Variants in ACAD10 observed in about 807,000 individuals in gnomAD.
ACAD10 encodes acyl-CoA dehydrogenase family member 10.
In ACAD10, 112 loss-of-function variants were observed where a neutral mutation model predicts 116.8. The observed-to-expected ratio is 0.96, with a 90% CI of 0.82 to 1.12. ACAD10 has a LOEUF of 1.12. Ranked by LOEUF, ACAD10 falls within the 50% of genes most tolerant of loss-of-function variation. The pLI is 0.00. For missense variants in ACAD10, 1,259 were observed against 1,350.2 expected (o/e 0.93, Z 1.06); for synonymous variants, 486 against 510.6 (o/e 0.95, Z 0.65).
chr12:111,686,502 G>T (rs1452469530), intron 1 of ACAD10: 1 of 152,402 alleles, frequency 6.6e-6, no homozygotes. Context: ...ATCACCTCAG[G>T]TCAGCAGTTC....
chr12:111,713,345 C>A (rs527760788), intron 6 of ACAD10, among the ~76,000 whole-genome samples: 1 of 147,136 alleles, frequency 6.8e-6, no homozygotes, highest in Admixed American at 6.8e-5. Flanking sequence ...CATTGCTGAC[C>A]GGGGCGTAGT....
chr12:111,705,816 A>G lies in ACAD10; in HGVS notation c.415A>G (p.Thr139Ala). The G allele has an allele frequency of 1.2e-6, 2 of 1,614,154 alleles. No homozygotes were observed. ...AGTGGCAAAGCAGTTCCCAGTGATG[A>G]CTGAGGCCATAACTCAAATTCGGGC... ...ERVAKQFPVM[T>A]EAITQIRAKG... The change falls in exon 4 of 21, where the codon ACT (threonine) becomes GCT (alanine). Residue 139 changes from threonine (T) to alanine (A), a missense_variant. By Grantham distance (58) the Thr-to-Ala change is moderately conservative. Coordinates refer to ENST00000313698, the MANE Select transcript of ACAD10 (RefSeq NM_025247.6).
At chr12:111,745,081 C>T in intron 13 of ACAD10, 38 bp downstream of exon 13, 1 of 1,585,454 alleles carries the variant, frequency 6.3e-7, no homozygotes, top group African/African-American at 1.3e-5. Context: ...ACCCCAATAC[C>T]ATGGCATACC....
chr12:111,689,624 A>G (rs528119114), intron 1 of ACAD10, among the ~76,000 whole-genome samples: 1 of 152,042 alleles, frequency 6.6e-6, no homozygotes, highest in Non-Finnish European at 1.5e-5. Context: ...TGATCCGCCT[A>G]CATTAGCATC....
chr12:111,697,999 CTTT>C (rs751374077), intron 2 of ACAD10, among the ~76,000 whole-genome samples: 4 of 132,670 alleles, frequency 3.0e-5, no homozygotes, highest in Admixed American at 7.6e-5. Flanking sequence ...AGGTTGCGCC[CTTT>C]TTTTTTTTTT....
In ACAD10 at chr12:111,746,256, T is replaced by A; in HGVS notation, c.2228T>A (p.Leu743His). The A allele has an allele frequency of 6.2e-7, 1 of 1,613,670 alleles. No homozygotes were observed. Among genetic ancestry groups the A allele is most frequent in the Non-Finnish European group, 8.5e-7 (1 of 1,179,858 alleles). The change falls in exon 14 of 21, where the codon CTC becomes CAC. Residue 743 changes from leucine to histidine, a missense_variant. Transcript: ENST00000313698. Reference sequence around the variant, plus strand: ...GTGGAATATGCACATCTGTGTGAGCTCATGGGCACGTCCCTGTATGCCCCC... The same window carrying A: ...GTGGAATATGCACATCTGTGTGAGCACATGGGCACGTCCCTGTATGCCCCC... The part of the protein sequence containing the change: ...TNVEYAHLCE[L>H]MGTSLYAPEV...
intron 5 of ACAD10, chr12:111,710,213 C>T (rs1888631599): frequency 2.3e-6 from 1 of 439,996 alleles, no homozygotes; most frequent in Non-Finnish European, 4.5e-6. Flanking sequence ...CCTCAGTCTC[C>T]TGAGTAGCTG....
rs375656467 is a variant in ACAD10, at chr12:111,705,793, T to C, written c.392T>C (p.Val131Ala). The C allele has an allele frequency of 6.2e-7, 1 of 1,614,108 alleles. No homozygotes were observed. The part of the protein sequence containing the change: ...SFFSLLTSER[V>A]AKQFPVMTEA... Reference sequence around the variant, plus strand: ...TTCTCTCTGTTGACCAGTGAGCGAGTGGCAAAGCAGTTCCCAGTGATGACT... The same window carrying C: ...TTCTCTCTGTTGACCAGTGAGCGAGCGGCAAAGCAGTTCCCAGTGATGACT... Residue 131 changes from valine to alanine, a missense_variant, in exon 4 of 21, where the codon GTG becomes GCG. Transcript: ENST00000313698.
chr12:111,729,536 G>C (rs1478619345), intron 9 of ACAD10, among the ~76,000 whole-genome samples: 3 of 152,104 alleles, frequency 2.0e-5, no homozygotes, highest in African/African-American at 7.2e-5. Context: ...CCGGCCACAA[G>C]GTCTTTAAGA....
intron 12 of ACAD10, among the ~76,000 whole-genome samples, chr12:111,738,882 AAATT>A (rs1889650350): frequency 6.6e-6 from 1 of 152,008 alleles, no homozygotes; most frequent in African/African-American, 2.4e-5. Flanking sequence ...CCAAAAATAA[AAATT>A]AAATAAATAA....
chr12:111,751,663 G>T (rs182332837), intron 18 of ACAD10, among the ~76,000 whole-genome samples: 1 of 151,922 alleles, frequency 6.6e-6, no homozygotes, highest in East Asian at 1.9e-4. Flanking sequence ...TCCAGGAGGC[G>T]GAGGTTGCAC....
rs569578865 is a variant in ACAD10 at position 111,734,230 on chromosome 12, C to T, written c.1540+162C>T. Among the ~76,000 whole-genome samples, 16 of 152,286 alleles carry T rather than the reference C, an allele frequency of 1.1e-4. No individual in the cohort carries two copies. The East Asian group carries it at 2.9e-3, about 28-fold the overall frequency. ...CTAGAATGCAGTCCTGTCACATTTA[C>T]GGGAAAGTGGATATAGGATGTGTTT... On this transcript the variant is annotated intron_variant, in intron 11 of 20. Coordinates refer to ENST00000313698, the MANE Select transcript of ACAD10 (RefSeq NM_025247.6).
At chr12:111,721,961 A>G (rs1381183849) in intron 8 of ACAD10, 2 of 374,436 alleles carry the variant, frequency 5.3e-6, no homozygotes, top group Non-Finnish European at 9.5e-6. Context: ...CTTTTTTAAC[A>G]TTCAAAAAAT....
rs545955650 is a variant in ACAD10 at position 111,736,171 on chromosome 12, G to C, written c.1541-660G>C. 5.3e-4 allele frequency among the ~76,000 whole-genome samples: 79 copies of C among 147,760 alleles called. 1 individual carries two copies. The highest frequency in any genetic ancestry group is 1.9e-3 in the African/African-American group (78 of 40,022). On this transcript the variant is annotated intron_variant, in intron 11 of 20. Transcript: ENST00000313698. The stretch of plus-strand genomic sequence containing the variant: ...GCTGGGATTAGAGGCATGAGCCACT[G>C]CACCCAGCCAATTGTTTTTTTTTTT...
At chr12:111,698,300 T>C (rs1242138240) in intron 2 of ACAD10, among the ~76,000 whole-genome samples, 2 of 150,194 alleles carry the variant, frequency 1.3e-5, no homozygotes, top group African/African-American at 4.9e-5. Context: ...ATCTGGCCTT[T>C]TTTTTTTTTT....
At chr12:111,705,995 G>A in intron 4 of ACAD10, 63 bp downstream of exon 4, 2 of 1,544,544 alleles carry the variant, frequency 1.3e-6, no homozygotes, top group Non-Finnish European at 1.8e-6. Context: ...AGGGTGCAAT[G>A]TTAAATGCTA....
At position 111,736,828 on chromosome 12, in the gene ACAD10, C is replaced by G. The variant is rs956889247; in HGVS notation, c.1541-3C>G. The G allele has an allele frequency of 1.2e-6, 2 of 1,610,408 alleles. No homozygotes were observed. Among genetic ancestry groups the G allele is most frequent in the Non-Finnish European group, 1.7e-6 (2 of 1,178,378 alleles). ...CCCATGAATGGCTCTGTCTTTCTCG[C>G]AGGTATTAATGACTGTGACTTGACA... is the stretch of plus-strand genomic sequence containing the variant. On this transcript the variant is annotated splice_polypyrimidine_tract_variant and splice_region_variant and intron_variant, in intron 11 of 20. Transcript: ENST00000313698.
rs1482087593 is a variant in ACAD10, at chr12:111,728,148, G to A, written c.1243+5G>A. ...TTGAAGACTATGGGAAGCAAGGTGA[G>A]CAGGAGGCCACGTCTCCCATGCTGG... On this transcript the variant is annotated splice_donor_5th_base_variant and intron_variant, in intron 9 of 20. Coordinates refer to ENST00000313698, the MANE Select transcript of ACAD10 (RefSeq NM_025247.6). 2 of 1,592,646 alleles carry A rather than the reference G, an allele frequency of 1.3e-6. No homozygotes were observed. Among genetic ancestry groups the A allele is most frequent in the African/African-American group, 1.3e-5 (1 of 74,344 alleles).
chr12:111,751,935 G>C (rs1369776979), intron 18 of ACAD10, among the ~76,000 whole-genome samples: 1 of 151,874 alleles, frequency 6.6e-6, no homozygotes, highest in Non-Finnish European at 1.5e-5. Context: ...GCGCATGCCT[G>C]TAATCCCAGC....
Sources: gnomAD v4.1 joint callset for allele counts (sites outside exome capture counted in the v4.1 genomes callset) on GRCh38, gnomAD v4.1.1 for gene constraint, MANE v1.5 for transcripts, NCBI Gene and HGNC (gene_info 2026-07-23, HGNC 2026-07-21) for gene names.